The following TOX2 variants were observed in gnomAD, a reference collection of about 807,000 sequenced individuals.
The protein encoded by TOX2 is granulosa cell HMG box 1.
TOX2 carries 15 observed loss-of-function variants against 47.4 expected under a neutral mutation model. The observed-to-expected ratio is 0.32, with a 90% CI of 0.21 to 0.49. The LOEUF (loss-of-function observed/expected upper bound fraction) is 0.49, where lower values mean the gene tolerates loss of function less well. Ranked by LOEUF, TOX2 falls within the 20% of genes least tolerant of loss-of-function variation. The pLI is 0.99. For synonymous variants in TOX2, 290 were observed against 296.6 expected, an observed-to-expected ratio of 0.98 and a Z score of 0.23; for missense variants, 622 against 673.1, an observed-to-expected ratio of 0.92 and a Z score of 0.84.
chr20:43,979,473 A>T (rs1261377418), intron 2 of TOX2, among the ~76,000 whole-genome samples: 1 of 152,164 alleles, frequency 6.6e-6, no homozygotes, highest in African/African-American at 2.4e-5. Context: ...GGTGAAAAGG[A>T]TGTTGGATCC....
At chr20:44,039,108 T>C in intron 3 of TOX2, 2 of 1,273,864 alleles carry the variant, frequency 1.6e-6, no homozygotes. Context: ...GGCAGGTGTC[T>C]CTGCACTTGA....
chr20:43,993,516 C>T (rs2070408705), intron 2 of TOX2, among the ~76,000 whole-genome samples: 1 of 152,050 alleles, frequency 6.6e-6, no homozygotes, highest in Non-Finnish European at 1.5e-5. Context: ...GCTTGAGCCA[C>T]CGGTAGAGGA....
chr20:43,960,077 A>G (rs1484701105), intron 1 of TOX2, among the ~76,000 whole-genome samples: 1 of 152,212 alleles, frequency 6.6e-6, no homozygotes, highest in Middle Eastern at 3.2e-3. Context: ...TGGGAGCCTC[A>G]GTAACTTACC....
chr20:43,972,274 G>T (rs2069987324), intron 1 of TOX2, among the ~76,000 whole-genome samples: 1 of 152,174 alleles, frequency 6.6e-6, no homozygotes, highest in Admixed American at 6.5e-5. Context: ...GCCACCCCTT[G>T]CTTCGTGTTG....
At chr20:44,040,463 G>A (rs2145718231) in intron 3 of TOX2, among the ~76,000 whole-genome samples, 1 of 152,250 alleles carries the variant, frequency 6.6e-6, no homozygotes, top group Non-Finnish European at 1.5e-5. Context: ...GAAGTGTCTT[G>A]GGGAAGGCAT....
At chr20:43,937,279 G>T (rs1343557439) in intron 1 of TOX2, among the ~76,000 whole-genome samples, 2 of 152,192 alleles carry the variant, frequency 1.3e-5, no homozygotes, top group African/African-American at 2.4e-5. Context: ...GCAACCTTGG[G>T]CTGGGAAAGG....
At chr20:44,036,034 C>A (rs1217613939) in intron 3 of TOX2, among the ~76,000 whole-genome samples, 1 of 152,174 alleles carries the variant, frequency 6.6e-6, no homozygotes, top group African/African-American at 2.4e-5. Context: ...TGTAGACCAC[C>A]CCTTGGAAGG....
At chr20:43,923,677 C>T (rs1407205753) in intron 1 of TOX2, among the ~76,000 whole-genome samples, 2 of 152,160 alleles carry the variant, frequency 1.3e-5, no homozygotes, top group African/African-American at 4.8e-5. Flanking sequence ...TTCTCAAGCC[C>T]CTTGGTGGGT....
chr20:43,962,743 T>C (rs1388923376), intron 1 of TOX2, among the ~76,000 whole-genome samples: 1 of 152,184 alleles, frequency 6.6e-6, no homozygotes, highest in Non-Finnish European at 1.5e-5. Flanking sequence ...CTCTTCCGTC[T>C]CTGGGGTTCT....
At chr20:43,990,571 G>A (rs140139955) in intron 2 of TOX2, among the ~76,000 whole-genome samples, 6 of 152,348 alleles carry the variant, frequency 3.9e-5, no homozygotes, top group African/African-American at 7.2e-5. Flanking sequence ...GAGCAGAGGG[G>A]CCAGCACACC....
intron 3 of TOX2, among the ~76,000 whole-genome samples, chr20:44,018,938 G>A (rs958702635): frequency 4.0e-4 from 61 of 152,286 alleles, no homozygotes; most frequent in African/African-American, 1.5e-3. Context: ...GACCTTGGGT[G>A]AATTACTGTC....
At chr20:43,975,684 A>C (rs1233209722) in intron 2 of TOX2, among the ~76,000 whole-genome samples, 1 of 152,170 alleles carries the variant, frequency 6.6e-6, no homozygotes, top group Non-Finnish European at 1.5e-5. Context: ...AAATGGCACC[A>C]GGTCTTTTTA....
At chr20:43,983,056 G>A (rs931588005) in intron 2 of TOX2, among the ~76,000 whole-genome samples, 3 of 152,058 alleles carry the variant, frequency 2.0e-5, no homozygotes, top group Non-Finnish European at 4.4e-5. Context: ...TCTCTGGGGT[G>A]CGGTGTGTGC....
At chr20:44,035,283 G>T (rs1481806717) in intron 3 of TOX2, among the ~76,000 whole-genome samples, 1 of 152,206 alleles carries the variant, frequency 6.6e-6, no homozygotes, top group Non-Finnish European at 1.5e-5. Flanking sequence ...CAGGCCTTTT[G>T]CTGTCCATCC....
chr20:44,026,244 TATATAG>T lies in TOX2; in HGVS notation c.411+19454_411+19459del, dbSNP rs1209998355. On this transcript the variant is annotated intron_variant, in intron 3 of 8. Transcript: ENST00000341197. ...AGAAACTGTGATATATATATATATA[TATATAG>T]ACACACACACACACAATGGAATACT... Among the ~76,000 whole-genome samples the T allele has an allele frequency of 8.9e-5, 9 of 101,672 alleles. 2 individuals are homozygous for T. Among genetic ancestry groups the T allele is most frequent in the Admixed American group, 3.4e-4 (4 of 11,660 alleles). 66.7% of individuals were successfully genotyped at this position (101,672 alleles called of 152,430 possible). A position where few individuals can be genotyped will look rare whatever the true frequency, so the allele number is the denominator to read the frequency against.
chr20:44,004,730 T>C (rs921519617), intron 2 of TOX2, among the ~76,000 whole-genome samples: 29 of 152,334 alleles, frequency 1.9e-4, no homozygotes, highest in African/African-American at 6.7e-4. Context: ...ACTCAGGGAA[T>C]TGGCCACCAC....
chr20:43,977,676 C>T (rs1413506416), intron 2 of TOX2, among the ~76,000 whole-genome samples: 3 of 152,132 alleles, frequency 2.0e-5, no homozygotes, highest in Non-Finnish European at 2.9e-5. Context: ...TGATCACACT[C>T]CCTCTCCCTC....
chr20:43,977,401 A>G (rs755350707), intron 2 of TOX2, among the ~76,000 whole-genome samples: 6 of 152,126 alleles, frequency 3.9e-5, no homozygotes, highest in Non-Finnish European at 8.8e-5. Flanking sequence ...GTGAGTCACT[A>G]TGTCTGGCCC....
chr20:43,953,030 G>C lies in TOX2; in HGVS notation c.100-20337G>C, dbSNP rs186502293. On this transcript the variant is annotated intron_variant, in intron 1 of 8. Coordinates refer to ENST00000341197, the MANE Select transcript of TOX2 (RefSeq NM_001098797.2). ...CAGAATCAGGAGAAGGTGATGTGAGGATGGAAGCAGAGACTGGGGTGACGG... is the reference window on the plus strand; with the variant it reads ...CAGAATCAGGAGAAGGTGATGTGAGCATGGAAGCAGAGACTGGGGTGACGG... Among the ~76,000 whole-genome samples, 174 of 152,190 alleles carry C rather than the reference G, an allele frequency of 1.1e-3. 1 individual carries two copies. Among genetic ancestry groups the C allele is most frequent in the South Asian group, 3.3e-3 (16 of 4,796 alleles).
Sources: allele counts gnomAD v4.1 joint callset (sites outside exome capture counted in the v4.1 genomes callset), GRCh38; gene constraint gnomAD v4.1.1; transcripts MANE v1.5; gene names NCBI Gene and HGNC (gene_info 2026-07-23, HGNC 2026-07-21).